SETBP1: variants seen among roughly 807,000 people sequenced by gnomAD.
The protein encoded by SETBP1 is SET binding protein 1.
In SETBP1, 9 loss-of-function variants were observed where a neutral mutation model predicts 101.0. That is an observed-to-expected ratio of 0.09 (90% CI 0.05 to 0.16). The LOEUF is 0.16. Ranked by LOEUF, SETBP1 falls within the 10% of genes least tolerant of loss-of-function variation. SETBP1 has a pLI of 1.00. For missense variants in SETBP1, 1,858 were observed against 2,033.8 expected (o/e 0.91, Z 1.66); for synonymous variants, 818 against 788.5 (o/e 1.04, Z -0.63).
intron 2 of SETBP1, among the ~76,000 whole-genome samples, chr18:44,832,169 C>T (rs1042631018): frequency 9.9e-5 from 15 of 152,094 alleles, no homozygotes; most frequent in Admixed American, 7.9e-4. Context: ...CATCAGGTGA[C>T]GCTAGACATC....
At position 44,701,676 on chromosome 18, in the gene SETBP1, A is replaced by G. The variant is rs190818714; in HGVS notation, c.330A>G (p.Thr110=). The G allele has an allele frequency of 1.6e-5, 26 of 1,614,232 alleles. No individual in the cohort carries two copies. The African/African-American group carries it at 3.2e-4, about 20-fold the overall frequency. ...GTCTGAAGCTAAAGATTCAGACCACAAAGCGGGCTAAGAAACCCCCAAAGA... is the reference window on the plus strand; with the variant it reads ...GTCTGAAGCTAAAGATTCAGACCACGAAGCGGGCTAAGAAACCCCCAAAGA... ...EGSLKLKIQT[T]KRAKKPPKNL... The change falls in exon 2 of 6, where the codon ACA becomes ACG. Residue 110 remains threonine (T), a synonymous_variant. Coordinates refer to ENST00000649279, the MANE Select transcript of SETBP1 (RefSeq NM_015559.3).
intron 2 of SETBP1, among the ~76,000 whole-genome samples, chr18:44,837,699 G>A (rs925744931): frequency 9.9e-5 from 15 of 152,214 alleles, no homozygotes; most frequent in Non-Finnish European, 5.9e-5. Context: ...TTCCTAGGAT[G>A]AGCATGACAG....
intron 2 of SETBP1, among the ~76,000 whole-genome samples, chr18:44,762,430 A>G (rs1352231196): frequency 6.6e-6 from 1 of 152,222 alleles, no homozygotes; most frequent in Non-Finnish European, 1.5e-5. Context: ...GTATTTGTCC[A>G]TTCTTTTCTG....
intron 2 of SETBP1, among the ~76,000 whole-genome samples, chr18:44,721,544 C>T (rs1030852433): frequency 1.4e-5 from 2 of 147,914 alleles, no homozygotes; most frequent in African/African-American, 5.0e-5. Flanking sequence ...TTCTCCAGCT[C>T]AGCACGGGAC....
intron 2 of SETBP1, among the ~76,000 whole-genome samples, chr18:44,780,308 C>G (rs751963787): frequency 5.9e-5 from 9 of 152,226 alleles, no homozygotes; most frequent in African/African-American, 2.2e-4. Flanking sequence ...GCCCTGACTC[C>G]TCTTCCTGAT....
At chr18:44,963,976 T>G (rs967132212) in intron 4 of SETBP1, among the ~76,000 whole-genome samples, 2 of 85,948 alleles carry the variant, frequency 2.3e-5, no homozygotes, top group African/African-American at 8.2e-5. Flanking sequence ...CATTAAGAGA[T>G]CCATGAAAAA....
At chr18:44,993,506 T>C (rs1042672670) in intron 4 of SETBP1, among the ~76,000 whole-genome samples, 1 of 152,036 alleles carries the variant, frequency 6.6e-6, no homozygotes, top group African/African-American at 2.4e-5. Flanking sequence ...TTATTGCTGA[T>C]GTATAGAAAT....
At chr18:44,720,761 G>T (rs770062996) in intron 2 of SETBP1, among the ~76,000 whole-genome samples, 14 of 152,148 alleles carry the variant, frequency 9.2e-5, no homozygotes, top group Non-Finnish European at 1.9e-4. Flanking sequence ...TGTGCAGAGG[G>T]CAAAGTGCTC....
intron 2 of SETBP1, among the ~76,000 whole-genome samples, chr18:44,835,632 G>A (rs1274096647): frequency 1.3e-5 from 2 of 152,070 alleles, no homozygotes; most frequent in African/African-American, 4.8e-5. Context: ...TCTCATTTTA[G>A]AGTTTAGGGA....
chr18:45,064,315 G>T lies in SETBP1; in HGVS notation c.*617G>T, dbSNP rs1272949029. 6.6e-6 allele frequency: 1 copy of T among 152,014 alleles called. No homozygotes were observed. Among genetic ancestry groups the T allele is most frequent in the Non-Finnish European group, 1.5e-5 (1 of 68,076 alleles). The allele number at this position is 152,014 out of a possible 1,614,324, so 9.4% of individuals were successfully genotyped here. ...TCTAGTGATAGGCGACCTCAGACCC[G>T]CATTCATGTTCTGTGTGCCTCTTCT... On this transcript the variant is annotated 3_prime_UTR_variant, in exon 6 of 6. Transcript: ENST00000649279.
At chr18:44,834,127 T>G (rs2072437261) in intron 2 of SETBP1, among the ~76,000 whole-genome samples, 1 of 152,194 alleles carries the variant, frequency 6.6e-6, no homozygotes. Context: ...AACTCCTCAT[T>G]TAGCATGAGA....
chr18:44,934,730 G>A (rs2070920618), intron 3 of SETBP1, among the ~76,000 whole-genome samples: 1 of 152,160 alleles, frequency 6.6e-6, no homozygotes. Flanking sequence ...GACACAGAGA[G>A]GTAAAGCAAC....
At position 44,934,550 on chromosome 18, in the gene SETBP1, G is replaced by A. The variant is rs144541575; in HGVS notation, c.541-15331G>A. On this transcript the variant is annotated intron_variant, in intron 3 of 5. Coordinates refer to ENST00000649279, the MANE Select transcript of SETBP1 (RefSeq NM_015559.3). ...ATTCGAACTTGTTTTTCTGATTCCA[G>A]AGTTTCAATGCACTCCCAAGATTTC... Among the ~76,000 whole-genome samples the A allele has an allele frequency of 8.1e-3, 1,235 of 152,272 alleles. 4 individuals are homozygous for A. Among genetic ancestry groups the A allele is most frequent in the Middle Eastern group, 0.017 (5 of 294 alleles).
At chr18:44,930,376 G>A (rs1359102379) in intron 3 of SETBP1, among the ~76,000 whole-genome samples, 1 of 152,130 alleles carries the variant, frequency 6.6e-6, no homozygotes, top group Non-Finnish European at 1.5e-5. Flanking sequence ...ATGTTCATCA[G>A]GGATATTGGT....
chr18:45,032,827 T>C (rs954945868), intron 4 of SETBP1, among the ~76,000 whole-genome samples: 13 of 152,188 alleles, frequency 8.5e-5, no homozygotes, highest in Non-Finnish European at 1.5e-4. Context: ...AGATGCCATA[T>C]GAATAGTAGC....
At chr18:44,827,498 C>T (rs534074493) in intron 2 of SETBP1, among the ~76,000 whole-genome samples, 27 of 152,332 alleles carry the variant, frequency 1.8e-4, no homozygotes, top group African/African-American at 6.5e-4. Flanking sequence ...AGCTCATTCA[C>T]TCATTTCTTC....
At chr18:45,003,851 C>T (rs978701135) in intron 4 of SETBP1, among the ~76,000 whole-genome samples, 4 of 152,124 alleles carry the variant, frequency 2.6e-5, no homozygotes, top group African/African-American at 9.7e-5. Flanking sequence ...TATCACTGTG[C>T]TTTATGACTT....
At chr18:45,018,330 G>C (rs550297707) in intron 4 of SETBP1, among the ~76,000 whole-genome samples, 1 of 152,166 alleles carries the variant, frequency 6.6e-6, no homozygotes, top group African/African-American at 2.4e-5. Context: ...TTACCATCTT[G>C]TTTTCATTTC....
At chr18:44,943,041 A>G (rs1332196130) in intron 3 of SETBP1, among the ~76,000 whole-genome samples, 2 of 152,220 alleles carry the variant, frequency 1.3e-5, no homozygotes, top group African/African-American at 4.8e-5. Flanking sequence ...TCAAAGAATC[A>G]TAAGATCATG....
Sources: gnomAD v4.1 joint callset for allele counts (sites outside exome capture counted in the v4.1 genomes callset) on GRCh38, gnomAD v4.1.1 for gene constraint, MANE v1.5 for transcripts, NCBI Gene and HGNC (gene_info 2026-07-23, HGNC 2026-07-21) for gene names.